The following ATG14 variants were observed in gnomAD, a reference collection of about 807,000 sequenced individuals.
The protein encoded by ATG14 is autophagy related 14.
ATG14 carries 35 observed loss-of-function variants against 60.4 expected under a neutral mutation model. That is an observed-to-expected ratio of 0.58 (90% confidence interval 0.44 to 0.77). The LOEUF (loss-of-function observed/expected upper bound fraction) is 0.77, where lower values mean the gene tolerates loss of function less well. Among genes scored for constraint, ATG14 ranks in the 30% least tolerant of loss-of-function variants. ATG14 has a pLI of 0.00. For missense variants in ATG14, 647 were observed against 626.3 expected (o/e 1.03, Z -0.35); for synonymous variants, 234 against 228.8 (o/e 1.02, Z -0.21).
intron 4 of ATG14, among the ~76,000 whole-genome samples, chr14:55,389,069 T>G (rs569376928): frequency 1.7e-4 from 26 of 152,348 alleles, no homozygotes; most frequent in Admixed American, 5.2e-4. Flanking sequence ...ACCAGGTGAC[T>G]GATGATTTGC....
intron 7 of ATG14, among the ~76,000 whole-genome samples, chr14:55,379,407 TA>T (rs1353329974): frequency 6.6e-6 from 1 of 151,706 alleles, no homozygotes; most frequent in East Asian, 1.9e-4. Context: ...CCAGGTGTGG[TA>T]GCATGAACCT....
chr14:55,406,782 AC>A (rs1885498368), intron 1 of ATG14, among the ~76,000 whole-genome samples: 1 of 152,186 alleles, frequency 6.6e-6, no homozygotes. Flanking sequence ...GGTGAAGCTG[AC>A]CTAAGCAGAC....
In ATG14 at chr14:55,369,222, C is replaced by G. The variant is rs950991824; in HGVS notation, c.*397G>C. 1.3e-5 allele frequency: 2 copies of G among 158,978 alleles called. No individual in the cohort carries two copies. The highest frequency in any genetic ancestry group is 2.8e-5 in the Non-Finnish European group (2 of 72,608). 9.8% of individuals were successfully genotyped at this position (158,978 alleles called of 1,614,324 possible). A position where few individuals can be genotyped will look rare whatever the true frequency, so the allele number is the denominator to read the frequency against. ...AATCACCTCTTGTGATTCAACCAAC[C>G]TCTAAAACTTAAAGTGTCAGGAACA... On this transcript the variant is annotated 3_prime_UTR_variant, in exon 10 of 10. Transcript: ENST00000247178.
chr14:55,395,517 C>T (rs1018572019), intron 3 of ATG14, among the ~76,000 whole-genome samples: 15 of 152,114 alleles, frequency 9.9e-5, no homozygotes, highest in Non-Finnish European at 1.5e-4. Flanking sequence ...TGCACCTGGC[C>T]GGAAGTTTTA....
Position 55,411,751 on chromosome 14 carries a change from C to T in ATG14, c.72G>A (p.Arg24=). 6.2e-7 allele frequency: 1 copy of T among 1,609,056 alleles called. No individual in the cohort carries two copies. Among genetic ancestry groups the T allele is most frequent in the Middle Eastern group, 1.7e-4 (1 of 5,918 alleles). ...CATCGTCCACGGAGTCCACCAGGTC[C>T]CGGGCGAGCGGCCGGGGCCCGCAGC... ...APGCGPRPLA[R]DLVDSVDDAE... is the part of the protein sequence containing the mutation. The change falls in exon 1 of 10, where the codon CGG becomes CGA. Residue 24 remains arginine (R), a synonymous_variant. Coordinates refer to ENST00000247178, the MANE Select transcript of ATG14 (RefSeq NM_014924.5).
At chr14:55,408,620 A>T (rs1226582513) in intron 1 of ATG14, among the ~76,000 whole-genome samples, 1 of 152,074 alleles carries the variant, frequency 6.6e-6, no homozygotes, top group African/African-American at 2.4e-5. Context: ...AAAATTTAAA[A>T]ATTAGCCAGG....
chr14:55,394,046 G>A (rs535025807), intron 3 of ATG14, among the ~76,000 whole-genome samples: 4 of 141,822 alleles, frequency 2.8e-5, no homozygotes, highest in East Asian at 2.0e-4. Flanking sequence ...TTGCTCTGTC[G>A]CCCAGGCTGG....
At chr14:55,375,247 A>G (rs1037752444) in intron 9 of ATG14, among the ~76,000 whole-genome samples, 1 of 152,228 alleles carries the variant, frequency 6.6e-6, no homozygotes, top group African/African-American at 2.4e-5. Context: ...TTTTGCTGCT[A>G]CAGTAAAAGG....
intron 4 of ATG14, among the ~76,000 whole-genome samples, chr14:55,387,439 A>G (rs1224573085): frequency 6.6e-6 from 1 of 152,186 alleles, no homozygotes; most frequent in Non-Finnish European, 1.5e-5. Context: ...GCCCCCCTCC[A>G]TAAACACTCC....
chr14:55,373,617 G>A (rs189968916), intron 9 of ATG14, among the ~76,000 whole-genome samples: 5 of 152,050 alleles, frequency 3.3e-5, no homozygotes, highest in Admixed American at 3.3e-4. Flanking sequence ...CCGCCACCAC[G>A]CCCAGATAAT....
At position 55,369,915 on chromosome 14, in the gene ATG14, AG is replaced by A; in HGVS notation, c.1182del (p.Phe395LeufsTer79). ...TCCTCAAGGTCTGCTCGTACTTCAA[AG>A]GGCCCTGACCTGTGTGCAGACAATG... ...PSSEHLGRSG[P>X]FEVRADLEES... is the part of the protein sequence containing the mutation. On this transcript the variant is annotated frameshift_variant, in exon 10 of 10. Transcript: ENST00000247178. LOFTEE classifies it high-confidence loss of function. 6.2e-7 allele frequency: 1 copy of A among 1,610,624 alleles called. No homozygotes were observed. Among genetic ancestry groups the A allele is most frequent in the Non-Finnish European group, 8.5e-7 (1 of 1,177,798 alleles).
chr14:55,404,273 TA>T (rs2140152066), intron 1 of ATG14, among the ~76,000 whole-genome samples: 1 of 152,328 alleles, frequency 6.6e-6, no homozygotes, highest in African/African-American at 2.4e-5. Flanking sequence ...TCAATTTTAC[TA>T]AAAAGACACT....
chr14:55,379,621 T>C (rs1440765041), intron 7 of ATG14, among the ~76,000 whole-genome samples: 1 of 152,198 alleles, frequency 6.6e-6, no homozygotes, highest in Admixed American at 6.5e-5. Context: ...TGGGAGAAGA[T>C]GGTAATAATA....
At chr14:55,400,747 AC>A (rs1885383954) in intron 1 of ATG14, among the ~76,000 whole-genome samples, 1 of 152,092 alleles carries the variant, frequency 6.6e-6, no homozygotes, top group African/African-American at 2.4e-5. Context: ...TACTAAAAAT[AC>A]AAAAAATTAG....
At chr14:55,409,000 T>G (rs1885531044) in intron 1 of ATG14, among the ~76,000 whole-genome samples, 1 of 152,206 alleles carries the variant, frequency 6.6e-6, no homozygotes. Flanking sequence ...GACATTATCT[T>G]ATTTACATTT....
At position 55,369,862 on chromosome 14, in the gene ATG14, A is replaced by G; in HGVS notation, c.1236T>C (p.Val412=). Residue 412 remains valine, a synonymous_variant, in exon 10 of 10, where the codon GTT becomes GTC. Coordinates refer to ENST00000247178, the MANE Select transcript of ATG14 (RefSeq NM_014924.5). ...CTCCGCTCTCATCTGATTCTCCAGC[A>G]ACTCCGGGATCCACAAATTCCATGG... ...EESMEFVDPG[V]AGESDESGDE... is the part of the protein sequence containing the mutation. The G allele has an allele frequency of 6.2e-7, 1 of 1,614,160 alleles. No individual in the cohort carries two copies. The highest frequency in any genetic ancestry group is 8.5e-7 in the Non-Finnish European group (1 of 1,180,006).
At chr14:55,370,726 C>T (rs958724517) in intron 9 of ATG14, among the ~76,000 whole-genome samples, 6 of 152,040 alleles carry the variant, frequency 3.9e-5, no homozygotes, top group Non-Finnish European at 4.4e-5. Context: ...CTGCAACCTC[C>T]ACCGCCCAGG....
At position 55,397,434 on chromosome 14, in the gene ATG14, C is replaced by T. The variant is rs1885331626; in HGVS notation, c.222G>A (p.Arg74=). The T allele has an allele frequency of 2.5e-6, 4 of 1,611,144 alleles. No individual in the cohort carries two copies. The highest frequency in any genetic ancestry group is 3.4e-6 in the Non-Finnish European group (4 of 1,177,670). Residue 74 remains arginine (R), a splice_region_variant and synonymous_variant, in exon 2 of 10, where the codon AGG becomes AGA. Transcript: ENST00000247178. ...FVYFDGRDRE[R]FIDKKERLSR... ...TTAACCTTTCCTTCTTGTCGATAAA[C>T]CTGTAACAAAAAAATTCAATGTCTT...
chr14:55,395,091 G>A (rs1885289500), intron 3 of ATG14: 13 of 503,416 alleles, frequency 2.6e-5, no homozygotes, highest in South Asian at 1.9e-4. Flanking sequence ...GCACTTTTTT[G>A]TCTGAAGATT....
Sources: gnomAD v4.1 joint callset for allele counts (sites outside exome capture counted in the v4.1 genomes callset) on GRCh38, gnomAD v4.1.1 for gene constraint, MANE v1.5 for transcripts, NCBI Gene and HGNC (gene_info 2026-07-23, HGNC 2026-07-21) for gene names.